The following SCRIB variants were observed in gnomAD, a reference collection of about 807,000 sequenced individuals.
The protein encoded by SCRIB is scribble planar cell polarity protein, also known as protein scribble homolog.
Under a neutral mutation model 170.0 loss-of-function variants are expected in SCRIB, and 72 were observed. The ratio of observed to expected loss-of-function variants is 0.42; its 90% CI spans 0.35 to 0.52. The LOEUF is 0.52. SCRIB is among the 20% of genes least tolerant of loss of function. The pLI is 0.02. For missense variants in SCRIB, 2,475 were observed against 2,338.5 expected, an observed-to-expected ratio of 1.06 and a Z score of -1.20; for synonymous variants, 1,298 against 1,044.3, an observed-to-expected ratio of 1.24 and a Z score of -4.68.
chr8:143,805,293 G>T lies in SCRIB; in HGVS notation c.2489C>A (p.Pro830His). Residue 830 changes from proline to histidine, a missense_variant, in exon 19 of 37, where the codon CCC becomes CAC. By Grantham distance (77) the Pro-to-His change is moderately conservative. Coordinates refer to ENST00000356994, the MANE Select transcript of SCRIB (RefSeq NM_182706.5). The stretch of plus-strand genomic sequence containing the variant: ...CTCTCGGGGGCTGTAATCATCCTCG[G>T]GCCGCAGCGGCGTGATGGTGACCGC... ...ENAVTITPLRPEDDYSPRERR... is the reference protein window; with the variant it reads ...ENAVTITPLRHEDDYSPRERR... 1.9e-6 allele frequency: 3 copies of T among 1,548,974 alleles called. No homozygotes were observed. The highest frequency in any genetic ancestry group is 1.2e-5 in the South Asian group (1 of 85,236).
chr8:143,806,557 C>T (rs1815434963), intron 17 of SCRIB, 73 bp from the exon 18 acceptor site: 1 of 1,302,952 alleles, frequency 7.7e-7, no homozygotes, highest in Non-Finnish European at 1.1e-6. Flanking sequence ...GCAGAAGACC[C>T]AGGAGGGGAA....
intron 28 of SCRIB, 135 bp downstream of exon 28, chr8:143,793,765 A>AG: frequency 2.5e-6 from 2 of 802,778 alleles, no homozygotes; most frequent in East Asian, 2.6e-5. Context: ...ATGGTAGCAG[A>AG]GGGAAAACCG....
At chr8:143,804,443 G>A (rs1264253371) in intron 21 of SCRIB, 125 bp downstream of exon 21, 12 of 1,040,992 alleles carry the variant, frequency 1.2e-5, no homozygotes, top group South Asian at 1.8e-5. Flanking sequence ...AGCTGCAGGG[G>A]AAAGGGCGAG....
At position 143,815,253 on chromosome 8, in the gene SCRIB, C is replaced by T. The variant is rs755689718; in HGVS notation, c.120G>A (p.Glu40=). The T allele has an allele frequency of 2.8e-5, 44 of 1,595,338 alleles. No individual in the cohort carries two copies. The highest frequency in any genetic ancestry group is 3.7e-5 in the Non-Finnish European group (43 of 1,174,852). The change falls in exon 1 of 37, where the codon GAG becomes GAA. Residue 40 remains glutamate (E), a synonymous_variant. Coordinates refer to ENST00000356994, the MANE Select transcript of SCRIB (RefSeq NM_182706.5). The part of the protein sequence containing the change: ...EIYRYSRSLE[E]LLLDANQLRE... Reference sequence around the variant, plus strand: ...GCAGCTGGTTGGCGTCGAGCAGCAGCTCCTCCAGGCTGCGGCTGTAGCGGT... The same window carrying T: ...GCAGCTGGTTGGCGTCGAGCAGCAGTTCCTCCAGGCTGCGGCTGTAGCGGT...
rs570895436 is a variant in SCRIB, at chr8:143,801,214, C to T, written c.3603+2169G>A. 2.6e-5 allele frequency among the ~76,000 whole-genome samples: 4 copies of T among 152,338 alleles called. No homozygotes were observed. The East Asian group carries it at 7.7e-4, about 29-fold the overall frequency. On this transcript the variant is annotated intron_variant, in intron 24 of 36. Coordinates refer to ENST00000356994, the MANE Select transcript of SCRIB (RefSeq NM_182706.5). Reference sequence around the variant, plus strand: ...TGTTCAGTCAGTACTGTGGGGACAGCTATGCATCCAGTTACTTGCAAAGCA... The same window carrying T: ...TGTTCAGTCAGTACTGTGGGGACAGTTATGCATCCAGTTACTTGCAAAGCA...
At chr8:143,812,231 G>T in intron 9 of SCRIB, 35 bp downstream of exon 9, 2 of 1,357,366 alleles carry the variant, frequency 1.5e-6, no homozygotes, top group Non-Finnish European at 2.1e-6. Flanking sequence ...ACCCCCGACG[G>T]CCCCATCCTT....
chr8:143,807,515 A>G (rs1290618466), intron 16 of SCRIB, 37 bp downstream of exon 16: 4 of 1,555,490 alleles, frequency 2.6e-6, no homozygotes, highest in South Asian at 2.2e-5. Flanking sequence ...CAAGGCCAGC[A>G]GCGGCCCGGC....
At chr8:143,795,994 T>C (rs1321991517) in intron 24 of SCRIB, among the ~76,000 whole-genome samples, 4 of 152,082 alleles carry the variant, frequency 2.6e-5, no homozygotes, top group Admixed American at 1.3e-4. Flanking sequence ...AGGGACACCA[T>C]GCAGGAGGCC....
intron 8 of SCRIB, 74 bp downstream of exon 8, chr8:143,812,743 C>A: frequency 1.3e-6 from 2 of 1,538,860 alleles, no homozygotes; most frequent in Non-Finnish European, 1.8e-6. Flanking sequence ...ACACCACACA[C>A]AGCCCCGACG....
chr8:143,804,522 C>T, intron 21 of SCRIB, 46 bp downstream of exon 21: 6 of 1,480,570 alleles, frequency 4.1e-6, no homozygotes, highest in Non-Finnish European at 5.4e-6. Flanking sequence ...GGCCAGTGCC[C>T]ACAGCTGAAG....
In SCRIB at chr8:143,791,624, C is replaced by T. The variant is rs782693712; in HGVS notation, c.4770+42G>A. On this transcript the variant is annotated intron_variant, in intron 35 of 36. Coordinates refer to ENST00000356994, the MANE Select transcript of SCRIB (RefSeq NM_182706.5). ...GAGCGGATGGGGGCGGTGGCAGGCA[C>T]GGACAGGGTGGCAGGCATGCAGAGG... 40 of 1,555,278 alleles carry T rather than the reference C, an allele frequency of 2.6e-5. No homozygotes were observed. In the African/African-American group the frequency reaches 3.1e-4, roughly 12 times the overall value.
chr8:143,791,682 G>A lies in SCRIB; in HGVS notation c.4754C>T (p.Pro1585Leu). Residue 1585 changes from proline (P) to leucine (L), a missense_variant, in exon 35 of 37, where the codon CCT becomes CTT. Pro to Leu is a moderately conservative substitution (Grantham distance 98, BLOSUM62 -3). Transcript: ENST00000356994. ...GCCAGGTACCTGGATGTCATAGACAGGTCTGGAAGAAGGCAGGGCCGCAAA... is the reference window on the plus strand; with the variant it reads ...GCCAGGTACCTGGATGTCATAGACAAGTCTGGAAGAAGGCAGGGCCGCAAA... ...RAFAALPSSR[P>L]VYDIQSPDFA... is the part of the protein sequence containing the mutation. 3 of 1,605,312 alleles carry A rather than the reference G, an allele frequency of 1.9e-6. No individual in the cohort carries two copies. The highest frequency in any genetic ancestry group is 2.2e-5 in the South Asian group (2 of 90,958).
chr8:143,807,593 T>C lies in SCRIB; in HGVS notation c.2137A>G (p.Asn713Asp), dbSNP rs1815486116. The change falls in exon 16 of 37, where the codon AAT becomes GAT. Residue 713 changes from asparagine (N) to aspartate (D), a missense_variant. This residue lies in a region of SCRIB where 1,966 missense variants were observed against 1,742.9 expected (regional missense o/e 1.13). Transcript: ENST00000356994. ...CGAGCAGGCTCTATCAGCAGGTTAT[T>C]GGCCTGGTCAAACGACACTCCCTGT... ...SVKGVSFDQA[N>D]NLLIEPARIE... 1 of 1,613,914 alleles carries C rather than the reference T, an allele frequency of 6.2e-7. No homozygotes were observed. The highest frequency in any genetic ancestry group is 8.5e-7 in the Non-Finnish European group (1 of 1,179,914).
chr8:143,811,337 G>A lies in SCRIB; in HGVS notation c.915C>T (p.Pro305=). 3 of 1,611,862 alleles carry A rather than the reference G, an allele frequency of 1.9e-6. No individual in the cohort carries two copies. The highest frequency in any genetic ancestry group is 2.2e-5 in the South Asian group (2 of 91,024). ...GCTTAGTCAGCTTTCCCAGGGAGCG[G>A]GGCAGGGCCTGGCCAAGAAGAGGAG... ...ILTENLLMAL[P]RSLGKLTKLT... is the part of the protein sequence containing the mutation. The change falls in exon 10 of 37, where the codon CCC becomes CCT. Residue 305 remains proline (P), a synonymous_variant. Coordinates refer to ENST00000356994, the MANE Select transcript of SCRIB (RefSeq NM_182706.5).
chr8:143,803,668 G>T lies in SCRIB; in HGVS notation c.3393C>A (p.Asp1131Glu). The T allele has an allele frequency of 6.4e-7, 1 of 1,566,968 alleles. No homozygotes were observed. The highest frequency in any genetic ancestry group is 8.6e-7 in the Non-Finnish European group (1 of 1,162,590). ...GHAGNPRDPT[D>E]EGIFISKVSP... ...TCACCTTGGAGATGAAGATGCCCTCGTCTGTGGGGTCGCGGGGGTTGCCAG... is the reference window on the plus strand; with the variant it reads ...TCACCTTGGAGATGAAGATGCCCTCTTCTGTGGGGTCGCGGGGGTTGCCAG... Residue 1131 changes from aspartate (D) to glutamate (E), a missense_variant, in exon 23 of 37, where the codon GAC (aspartate) becomes GAA (glutamate). Asp to Glu is a conservative substitution (Grantham distance 45). Transcript: ENST00000356994.
chr8:143,813,820 G>A lies in SCRIB; in HGVS notation c.354C>T (p.Ser118=), dbSNP rs768041945. Residue 118 remains serine (S), a splice_region_variant and synonymous_variant, in exon 3 of 37, where the codon TCC becomes TCT. Coordinates refer to ENST00000356994, the MANE Select transcript of SCRIB (RefSeq NM_182706.5). ...EIADFSGNPL[S]RLPDGFTQLR... ...CCCCACCACAGGCTGCCACCCACCT[G>A]GAGAGGGGGTTCCCGCTGAAGTCCG... 1.9e-6 allele frequency: 3 copies of A among 1,609,030 alleles called. No homozygotes were observed. Among genetic ancestry groups the A allele is most frequent in the African/African-American group, 2.7e-5 (2 of 74,878 alleles).
chr8:143,807,157 G>A, intron 16 of SCRIB, 144 bp from the exon 17 acceptor site: 1 of 664,034 alleles, frequency 1.5e-6, no homozygotes, highest in Non-Finnish European at 2.7e-6. Flanking sequence ...CACCAGCCAG[G>A]GCCAGCCCAG....
At chr8:143,806,273 C>G (rs573629880) in intron 18 of SCRIB, 134 bp downstream of exon 18, 1 of 698,572 alleles carries the variant, frequency 1.4e-6, no homozygotes, top group Non-Finnish European at 2.5e-6. Flanking sequence ...CGTGGCTTCA[C>G]CCGGAAGTCT....
At position 143,804,832 on chromosome 8, in the gene SCRIB, G is replaced by A. The variant is rs782695050; in HGVS notation, c.2752-7C>T. On this transcript the variant is annotated splice_polypyrimidine_tract_variant and splice_region_variant and intron_variant, in intron 20 of 36. Transcript: ENST00000356994. ...TCACGTCCACTCCATTAATCTGTGA[G>A]AGCGTGCCCGAATCAGGGAGGCCCA... The A allele has an allele frequency of 8.2e-6, 13 of 1,578,640 alleles. No individual in the cohort carries two copies. The highest frequency in any genetic ancestry group is 2.3e-5 in the East Asian group (1 of 44,002).
Sources: allele counts gnomAD v4.1 joint callset (sites outside exome capture counted in the v4.1 genomes callset), GRCh38; gene constraint gnomAD v4.1.1; regional missense constraint gnomAD v4.1.1; transcripts MANE v1.5; gene names NCBI Gene and HGNC (gene_info 2026-07-23, HGNC 2026-07-21).